CDH7: variants seen among roughly 807,000 people sequenced by gnomAD.
The protein encoded by CDH7 is cadherin-7.
Under a neutral mutation model 71.8 loss-of-function variants are expected in CDH7, and 25 were observed. The observed-to-expected ratio is 0.35, with a 90% CI of 0.25 to 0.49. The LOEUF (loss-of-function observed/expected upper bound fraction) is 0.49. Ranked by LOEUF, CDH7 falls within the 20% of genes least tolerant of loss-of-function variation. The pLI is 0.99. For missense variants in CDH7, 862 were observed against 974.6 expected (o/e 0.88, Z 1.54); for synonymous variants, 381 against 363.8 (o/e 1.05, Z -0.54).
chr18:65,839,398 T>G (rs908439411), intron 6 of CDH7, among the ~76,000 whole-genome samples: 1 of 151,970 alleles, frequency 6.6e-6, no homozygotes, highest in Admixed American at 6.6e-5. Context: ...CTCTCTGAGG[T>G]CTCATTTATA....
intron 2 of CDH7, among the ~76,000 whole-genome samples, chr18:65,780,986 T>C (rs978534235): frequency 1.1e-4 from 17 of 151,342 alleles, no homozygotes; most frequent in Admixed American, 8.6e-4. Flanking sequence ...TGCTCATTTA[T>C]TTGCACTAGC....
intron 2 of CDH7, among the ~76,000 whole-genome samples, chr18:65,788,659 A>G (rs1910597649): frequency 6.6e-6 from 1 of 152,226 alleles, no homozygotes; most frequent in Non-Finnish European, 1.5e-5. Context: ...TGGACCAGAT[A>G]GAGCTTTTTG....
chr18:65,840,979 C>A (rs977161776), intron 6 of CDH7, among the ~76,000 whole-genome samples: 1 of 151,882 alleles, frequency 6.6e-6, no homozygotes, highest in African/African-American at 2.4e-5. Context: ...AATGAGAAGT[C>A]ATATAAAAAG....
intron 2 of CDH7, among the ~76,000 whole-genome samples, chr18:65,765,542 A>G (rs1264959697): frequency 6.6e-6 from 1 of 151,842 alleles, no homozygotes; most frequent in Non-Finnish European, 1.5e-5. Flanking sequence ...AAATTATAGA[A>G]GAAGATGTGA....
chr18:65,817,639 A>AT (rs1371554590), intron 4 of CDH7, among the ~76,000 whole-genome samples: 2 of 152,154 alleles, frequency 1.3e-5, no homozygotes, highest in African/African-American at 4.8e-5. Flanking sequence ...AACTTTTGTG[A>AT]TTTTGTTTTA....
At position 65,833,766 on chromosome 18, in the gene CDH7, A is replaced by G. The variant is rs145405109; in HGVS notation, c.981+8935A>G. On this transcript the variant is annotated intron_variant, in intron 6 of 11. Transcript: ENST00000397968. Reference sequence around the variant, plus strand: ...AGTTTTATAAAAAGATAAGAAATTAACATTCTTTGAAGAAAATGATACTAA... The same window carrying G: ...AGTTTTATAAAAAGATAAGAAATTAGCATTCTTTGAAGAAAATGATACTAA... 6.8e-3 allele frequency among the ~76,000 whole-genome samples: 1,039 copies of G among 152,316 alleles called. 13 individuals carry two copies. The highest frequency in any genetic ancestry group is 0.023 in the African/African-American group (960 of 41,554).
intron 2 of CDH7, among the ~76,000 whole-genome samples, chr18:65,782,107 C>CTTCCTTCCTTCTTTCTTTCTTTCTTTCT (rs1910309338): frequency 4.0e-5 from 1 of 25,240 alleles, no homozygotes; most frequent in Non-Finnish European, 6.0e-5. Context: ...TCCTTCCTTC[C>CTTCCTTCCTTCTTTCTTTCTTTCTTTCT]TTCTTTCTTT....
intron 6 of CDH7, among the ~76,000 whole-genome samples, chr18:65,840,702 T>C (rs140165065): frequency 6.6e-6 from 1 of 152,300 alleles, no homozygotes; most frequent in African/African-American, 2.4e-5. Flanking sequence ...TCTGTCATGG[T>C]TGTGAGACCT....
intron 4 of CDH7, among the ~76,000 whole-genome samples, chr18:65,821,391 T>C (rs8085624): frequency 3.5e-4 from 53 of 152,076 alleles, no homozygotes; most frequent in African/African-American, 1.2e-3. Context: ...ATTTCAAAGA[T>C]CAATTATAAA....
At chr18:65,783,578 A>G (rs913971786) in intron 2 of CDH7, among the ~76,000 whole-genome samples, 1 of 152,174 alleles carries the variant, frequency 6.6e-6, no homozygotes, top group African/African-American at 2.4e-5. Context: ...TTAATAGTAT[A>G]TACAGTTTCT....
intron 7 of CDH7, among the ~76,000 whole-genome samples, chr18:65,844,630 A>G (rs916165001): frequency 9.9e-5 from 15 of 152,106 alleles, no homozygotes; most frequent in African/African-American, 3.4e-4. Flanking sequence ...GCCAAGTAAT[A>G]TCTTTAAGAC....
chr18:65,822,032 T>C (rs760055433), intron 4 of CDH7, 49 bp from the exon 5 acceptor site: 1 of 1,418,378 alleles, frequency 7.1e-7, no homozygotes, highest in Non-Finnish European at 1.0e-6. Context: ...TTTGTTAGTA[T>C]AAATGCAGTG....
chr18:65,861,370 A>G (rs1410994746), intron 10 of CDH7, among the ~76,000 whole-genome samples: 1 of 150,624 alleles, frequency 6.6e-6, no homozygotes, highest in Non-Finnish European at 1.5e-5. Flanking sequence ...TGATTTTGGT[A>G]TCAGTCATGT....
At chr18:65,835,887 C>A (rs772597589) in intron 6 of CDH7, among the ~76,000 whole-genome samples, 5 of 152,086 alleles carry the variant, frequency 3.3e-5, no homozygotes, top group Admixed American at 6.5e-5. Flanking sequence ...ATTTTGGAAA[C>A]GTGATTAAGT....
At chr18:65,775,321 A>T (rs1909895935) in intron 2 of CDH7, among the ~76,000 whole-genome samples, 1 of 152,170 alleles carries the variant, frequency 6.6e-6, no homozygotes, top group Non-Finnish European at 1.5e-5. Context: ...TTCTCCGCTT[A>T]ATTTCTGTAA....
chr18:65,810,057 A>G, intron 3 of CDH7, 59 bp downstream of exon 3: 1 of 1,401,978 alleles, frequency 7.1e-7, no homozygotes, highest in East Asian at 2.3e-5. Flanking sequence ...ATTTGTATTT[A>G]AAATTAAATC....
At chr18:65,782,809 G>T (rs1910362618) in intron 2 of CDH7, among the ~76,000 whole-genome samples, 1 of 152,078 alleles carries the variant, frequency 6.6e-6, no homozygotes, top group African/African-American at 2.4e-5. Context: ...GCCTGGAAAA[G>T]CTCATTTAAC....
intron 1 of CDH7, among the ~76,000 whole-genome samples, chr18:65,758,269 C>G (rs564949507): frequency 6.6e-6 from 1 of 152,034 alleles, no homozygotes; most frequent in Non-Finnish European, 1.5e-5. Context: ...TTCATGATAC[C>G]CAGCTCAGGA....
intron 11 of CDH7, among the ~76,000 whole-genome samples, chr18:65,869,591 T>C (rs1187288664): frequency 6.9e-6 from 1 of 144,920 alleles, no homozygotes; most frequent in Non-Finnish European, 1.5e-5. Flanking sequence ...CGCACTTCTT[T>C]GGCTTCTGAG....
Sources: gnomAD v4.1 joint callset for allele counts (sites outside exome capture counted in the v4.1 genomes callset) on GRCh38, gnomAD v4.1.1 for gene constraint, MANE v1.5 for transcripts, NCBI Gene and HGNC (gene_info 2026-07-23, HGNC 2026-07-21) for gene names.